The following ABCB4 variants were observed in gnomAD, a reference collection of about 807,000 sequenced individuals.
ABCB4 encodes phosphatidylcholine translocator ABCB4.
A neutral mutation model predicts 145.7 loss-of-function variants in ABCB4; 76 were observed. That is an observed-to-expected ratio of 0.52 (90% CI 0.43 to 0.63). The LOEUF is 0.63. Among genes scored for constraint, ABCB4 ranks in the 30% least tolerant of loss-of-function variants. The probability of loss-of-function intolerance (pLI) is 0.00; values close to 1 mark genes in which losing one functional copy is unlikely to be tolerated. For synonymous variants in ABCB4, 517 were observed against 566.8 expected (o/e 0.91, Z 1.25); for missense variants, 1,234 against 1,553.1 (o/e 0.79, Z 3.45).
At chr7:87,435,597 C>T (rs995751004) in intron 14 of ABCB4, among the ~76,000 whole-genome samples, 2 of 152,208 alleles carry the variant, frequency 1.3e-5, no homozygotes, top group Admixed American at 1.3e-4. Context: ...CTGCCTTAGG[C>T]AACAGCCATC....
the ABCB4 span, chr7:87,375,847 G>A: frequency 1.2e-6 from 2 of 1,613,368 alleles, no homozygotes; most frequent in Non-Finnish European, 1.7e-6. Context: ...TATCTGATTG[G>A]TCTTGATCCA....
chr7:87,413,086 A>C (rs560192804), intron 22 of ABCB4, among the ~76,000 whole-genome samples: 1 of 152,224 alleles, frequency 6.6e-6, no homozygotes, highest in Non-Finnish European at 1.5e-5. Context: ...ATCAGGCTGC[A>C]GTGGAAATGA....
the ABCB4 span, chr7:87,392,610 T>A: frequency 6.2e-7 from 1 of 1,613,564 alleles, no homozygotes; most frequent in Non-Finnish European, 8.5e-7. Context: ...TTGCAAAGCA[T>A]AATAAAATGA....
chr7:87,426,710 T>C (rs754715737), intron 16 of ABCB4, 40 bp downstream of exon 16: 4 of 1,592,858 alleles, frequency 2.5e-6, no homozygotes, highest in Non-Finnish European at 3.4e-6. Flanking sequence ...GTAGCAAAAC[T>C]ACAAAGTAAA....
the ABCB4 span, chr7:87,392,483 C>A: frequency 9.7e-7 from 1 of 1,033,078 alleles, no homozygotes; most frequent in Non-Finnish European, 1.5e-6. Flanking sequence ...TTACCCCAAT[C>A]CTAATTACAA....
chr7:87,453,350 AT>A (rs1811888257), intron 5 of ABCB4, among the ~76,000 whole-genome samples: 1 of 151,852 alleles, frequency 6.6e-6, no homozygotes, highest in Non-Finnish European at 1.5e-5. Flanking sequence ...TACCTGGCTA[AT>A]TTTTGTATTT....
chr7:87,375,638 G>A, the ABCB4 span: 2 of 1,611,844 alleles, frequency 1.2e-6, no homozygotes, highest in East Asian at 4.5e-5. Flanking sequence ...TAAGACAACT[G>A]ACATATATCC....
At position 87,412,043 on chromosome 7, in the gene ABCB4, A is replaced by G; in HGVS notation, c.2784-10T>C. The G allele has an allele frequency of 6.2e-7, 1 of 1,613,542 alleles. No homozygotes were observed. The highest frequency in any genetic ancestry group is 8.5e-7 in the Non-Finnish European group (1 of 1,179,548). ...CTTCTGCACAGAATTCCTGAAAAGCAAATCAGTATACTTGTAACCATCTCT... is the reference window on the plus strand; with the variant it reads ...CTTCTGCACAGAATTCCTGAAAAGCGAATCAGTATACTTGTAACCATCTCT... On this transcript the variant is annotated splice_polypyrimidine_tract_variant and intron_variant, in intron 22 of 27. Transcript: ENST00000649586.
the ABCB4 span, chr7:87,382,529 C>A: frequency 6.2e-7 from 1 of 1,613,822 alleles, no homozygotes; most frequent in Non-Finnish European, 8.5e-7. Flanking sequence ...TGGCCTATTA[C>A]AGACTTCATG....
Position 87,447,109 on chromosome 7 carries a change from T to C in ABCB4, c.930A>G (p.Ala310=), listed in dbSNP as rs1186250712. Residue 310 remains alanine (A), a synonymous_variant, in exon 9 of 28, where the codon GCA becomes GCG. Transcript: ENST00000649586. The part of the protein sequence containing the change: ...SMGIAFLLIY[A]SYALAFWYGS... ...CATACCAGAAGGCCAGTGCATATGA[T>C]GCATATATTAACAGGAAGGCAATAC... 8 of 1,613,844 alleles carry C rather than the reference T, an allele frequency of 5.0e-6. No homozygotes were observed. The highest frequency in any genetic ancestry group is 1.3e-5 in the African/African-American group (1 of 74,934).
In ABCB4 at chr7:87,443,577, G is replaced by A; in HGVS notation, c.1230+86C>T. 3.3e-6 allele frequency: 5 copies of A among 1,522,842 alleles called. No homozygotes were observed. The South Asian group carries it at 3.4e-5, about 10-fold the overall frequency. 94.3% of individuals were successfully genotyped at this position (1,522,842 alleles called of 1,614,324 possible). A position where few individuals can be genotyped will look rare whatever the true frequency, so the allele number is the denominator to read the frequency against. ...AACCCCCAAAGGAAAAGGCACATAA[G>A]TATCAAAATAATAGAGACTTTATTC... On this transcript the variant is annotated intron_variant, in intron 11 of 27. Transcript: ENST00000649586.
chr7:87,374,587 T>C, the ABCB4 span, among the ~76,000 whole-genome samples: 3 of 152,140 alleles, frequency 2.0e-5, no homozygotes, highest in South Asian at 2.1e-4. Context: ...CTAAAGAAAG[T>C]AAGCAGGAAG....
the ABCB4 span, chr7:87,382,675 C>T: frequency 1.2e-6 from 1 of 835,414 alleles, no homozygotes; most frequent in Non-Finnish European, 1.8e-6. Context: ...CCTATTTGTA[C>T]TTCCATCAAT....
chr7:87,375,969 C>T, the ABCB4 span: 3 of 1,436,554 alleles, frequency 2.1e-6, no homozygotes, highest in East Asian at 2.6e-5. Flanking sequence ...TAACTACCTT[C>T]TCTTTTTTTT....
intron 14 of ABCB4, among the ~76,000 whole-genome samples, chr7:87,433,678 T>TTTTTG (rs1810402517): frequency 6.7e-6 from 1 of 148,566 alleles, no homozygotes; most frequent in South Asian, 2.1e-4. Context: ...TGTTGTTGTT[T>TTTTTG]TTTTTTTTTT....
In ABCB4 at chr7:87,454,534, C is replaced by A; in HGVS notation, c.344+1G>T. On this transcript the variant is annotated splice_donor_variant, in intron 5 of 27. Coordinates refer to ENST00000649586, the MANE Select transcript of ABCB4 (RefSeq NM_000443.4). LOFTEE classifies it high-confidence loss of function. ...AAAAGTAGACCATATATATGAGTTA[C>A]CTAGTCATTTCTTCTTCCAGAATTT... The A allele has an allele frequency of 6.2e-7, 1 of 1,605,464 alleles. No individual in the cohort carries two copies. The highest frequency in any genetic ancestry group is 8.5e-7 in the Non-Finnish European group (1 of 1,173,224).
At chr7:87,377,555 T>C in the ABCB4 span, 1 of 657,600 alleles carries the variant, frequency 1.5e-6, no homozygotes, top group South Asian at 2.0e-5. Context: ...AATAGTAATT[T>C]AGTTTTATGG....
chr7:87,454,468 A>G, intron 5 of ABCB4, 67 bp downstream of exon 5: 5 of 1,258,560 alleles, frequency 4.0e-6, no homozygotes, highest in South Asian at 1.3e-5. Context: ...GTATATTCTT[A>G]TAACTCTGTA....
rs1149219 is a variant in ABCB4 at position 87,452,158 on chromosome 7, T to A, written c.537-364A>T. ...GGAAGTATTACTGCATTTCTTCTTATAGGGAAGTAATAGGGAAGAGATCTT... is the reference window on the plus strand; with the variant it reads ...GGAAGTATTACTGCATTTCTTCTTAAAGGGAAGTAATAGGGAAGAGATCTT... On this transcript the variant is annotated intron_variant, in intron 6 of 27. Transcript: ENST00000649586. Among the ~76,000 whole-genome samples the A allele has an allele frequency of 3.5e-4, 54 of 152,294 alleles. No individual in the cohort carries two copies. The East Asian group carries it at 8.3e-3, about 23-fold the overall frequency.
Sources: allele counts gnomAD v4.1 joint callset (sites outside exome capture counted in the v4.1 genomes callset), GRCh38; gene constraint gnomAD v4.1.1; transcripts MANE v1.5; gene names NCBI Gene and HGNC (gene_info 2026-07-23, HGNC 2026-07-21).